The following LRP5 variants were observed in gnomAD, a reference collection of about 807,000 sequenced individuals.
The protein encoded by LRP5 is low-density lipoprotein receptor-related protein 5.
LRP5 carries 62 observed loss-of-function variants against 154.1 expected under a neutral mutation model. That is an observed-to-expected ratio of 0.40 (90% CI 0.33 to 0.50). LRP5 has a LOEUF of 0.50. LRP5 is among the 20% of genes least tolerant of loss of function. LRP5 has a pLI of 0.55. For missense variants in LRP5, 1,915 were observed against 2,336.7 expected (o/e 0.82, Z 3.72); for synonymous variants, 966 against 1,011.5 (o/e 0.96, Z 0.85).
In LRP5 at chr11:68,403,831, G is replaced by A. The variant is rs2098654055; in HGVS notation, c.1801+132G>A. 45 of 1,062,758 alleles carry A rather than the reference G, an allele frequency of 4.2e-5. No homozygotes were observed. In the South Asian group the frequency reaches 6.6e-4, roughly 16 times the overall value. 65.8% of individuals were successfully genotyped at this position (1,062,758 alleles called of 1,614,324 possible). ...TGGGGAAGGGCAGGACAGGAAAGGT[G>A]ACAGTATCTGGCCAAGGACAGATGG... On this transcript the variant is annotated intron_variant, in intron 8 of 22. Coordinates refer to ENST00000294304, the MANE Select transcript of LRP5 (RefSeq NM_002335.4).
chr11:68,321,052 G>T, intron 1 of LRP5, among the ~76,000 whole-genome samples: 1 of 136,276 alleles, frequency 7.3e-6, no homozygotes, highest in African/African-American at 2.8e-5. Context: ...ACATTATTCT[G>T]TCTGGGTTTT....
chr11:68,360,050 A>G (rs2098626455), intron 3 of LRP5, among the ~76,000 whole-genome samples: 1 of 151,866 alleles, frequency 6.6e-6, no homozygotes, highest in South Asian at 2.1e-4. Context: ...GAGCCTCTCA[A>G]AGTGCTGGGA....
At position 68,332,278 on chromosome 11, in the gene LRP5, T is replaced by C. The variant is rs548747466; in HGVS notation, c.92-15569T>C. On this transcript the variant is annotated intron_variant, in intron 1 of 22. Transcript: ENST00000294304. ...TGAAGCAAAATATGGTATTTATTCA[T>C]TATTGTCATGCAAATGTCAGCAGCT... Among the ~76,000 whole-genome samples the C allele has an allele frequency of 5.9e-5, 9 of 152,378 alleles. No individual in the cohort carries two copies. In the East Asian group the frequency reaches 1.7e-3, roughly 29 times the overall value.
intron 8 of LRP5, 142 bp downstream of exon 8, chr11:68,403,841 G>A (rs2098654068): frequency 1.0e-6 from 1 of 955,308 alleles, no homozygotes; most frequent in Non-Finnish European, 1.6e-6. Flanking sequence ...GACAGTATCT[G>A]GCCAAGGACA....
chr11:68,409,248 A>C (rs1359942682), intron 9 of LRP5, among the ~76,000 whole-genome samples: 1 of 141,172 alleles, frequency 7.1e-6, no homozygotes, highest in African/African-American at 2.6e-5. Flanking sequence ...ATTATATAAT[A>C]TATAATAAAA....
At chr11:68,419,662 C>A (rs111301654) in intron 13 of LRP5, among the ~76,000 whole-genome samples, 1 of 151,850 alleles carries the variant, frequency 6.6e-6, no homozygotes. Flanking sequence ...GCCTCAGCCT[C>A]CTCCCGAGTA....
rs892889194 is a variant in LRP5 at position 68,426,004 on chromosome 11, G to A, written c.3454G>A (p.Ala1152Thr). The A allele has an allele frequency of 2.5e-6, 4 of 1,612,454 alleles. No individual in the cohort carries two copies. Among genetic ancestry groups the A allele is most frequent in the African/African-American group, 2.7e-5 (2 of 74,950 alleles). Residue 1152 changes from alanine (A) to threonine (T), a missense_variant, in exon 16 of 23, where the codon GCC (alanine) becomes ACC (threonine). Ala to Thr is a moderately conservative substitution (Grantham distance 58). Around this residue, in one of 3 missense-constraint regions of LRP5, gnomAD observed 1,094 missense variants for 1,210.1 expected, o/e 0.90. Coordinates refer to ENST00000294304, the MANE Select transcript of LRP5 (RefSeq NM_002335.4). ...SGANRLTLED[A>T]NIVQPLGLTI... ...GGCCAACCGCCTGACCCTGGAGGAC[G>A]CCAACATCGTGCAGCCTCTGGGCCT...
chr11:68,377,919 G>A (rs1229525906), intron 5 of LRP5, among the ~76,000 whole-genome samples: 1 of 152,122 alleles, frequency 6.6e-6, no homozygotes, highest in Non-Finnish European at 1.5e-5. Flanking sequence ...AAAGAAGCCA[G>A]GAGAACACAG....
At chr11:68,397,297 C>T (rs1302291443) in intron 7 of LRP5, among the ~76,000 whole-genome samples, 2 of 152,158 alleles carry the variant, frequency 1.3e-5, no homozygotes, top group Non-Finnish European at 2.9e-5. Context: ...TCCTGTGCCA[C>T]AAGACATGGC....
intron 22 of LRP5, chr11:68,446,959 C>T (rs1387369936): frequency 3.8e-5 from 12 of 315,728 alleles, no homozygotes; most frequent in Admixed American, 3.3e-4. Context: ...TGCTGCAGCA[C>T]CCACCGTAGA....
At chr11:68,445,703 G>A (rs751881854) in intron 21 of LRP5, 54 of 1,304,618 alleles carry the variant, frequency 4.1e-5, no homozygotes, top group Non-Finnish European at 5.0e-5. Flanking sequence ...ACCTGTGTGG[G>A]TGTGTGGGCC....
In LRP5 at chr11:68,365,672, C is replaced by T; in HGVS notation, c.985C>T (p.Leu329=). 6.3e-7 allele frequency: 1 copy of T among 1,574,918 alleles called. No individual in the cohort carries two copies. The highest frequency in any genetic ancestry group is 8.6e-7 in the Non-Finnish European group (1 of 1,157,566). ...ATGCGCCTGCCCCACGGGTGTGCAG[C>T]TGCAGGACAACGGCAGGACGTGTAA... ...YTCACPTGVQ[L]QDNGRTCKAG... The change falls in exon 5 of 23, where the codon CTG becomes TTG. Residue 329 remains leucine (L), a synonymous_variant. Coordinates refer to ENST00000294304, the MANE Select transcript of LRP5 (RefSeq NM_002335.4).
chr11:68,402,438 C>T (rs987712603), intron 7 of LRP5, among the ~76,000 whole-genome samples: 7 of 152,216 alleles, frequency 4.6e-5, no homozygotes, highest in Admixed American at 4.6e-4. Context: ...GGGTGGAAAG[C>T]ATCTGAGACC....
At chr11:68,301,184 G>T in the LRP5 span, among the ~76,000 whole-genome samples, 1 of 149,264 alleles carries the variant, frequency 6.7e-6, no homozygotes, top group Non-Finnish European at 1.5e-5. Flanking sequence ...CGCCTACCTT[G>T]GCCTCCCAAA....
At chr11:68,325,807 A>G (rs1218193957) in intron 1 of LRP5, among the ~76,000 whole-genome samples, 1 of 152,146 alleles carries the variant, frequency 6.6e-6, no homozygotes, top group Non-Finnish European at 1.5e-5. Context: ...CAGTTTCCCC[A>G]TCCGTGATAG....
intron 1 of LRP5, among the ~76,000 whole-genome samples, chr11:68,346,369 T>A (rs1468984557): frequency 6.6e-6 from 1 of 152,228 alleles, no homozygotes; most frequent in Non-Finnish European, 1.5e-5. Context: ...CTCCTGGGAA[T>A]GGGAGGGGCC....
At chr11:68,312,121 G>A (rs1032514391), upstream of LRP5, among the ~76,000 whole-genome samples, 1 of 152,208 alleles carries the variant, frequency 6.6e-6, no homozygotes, top group African/African-American at 2.4e-5. Flanking sequence ...TTAGTTTACA[G>A]TAAAACCTCA....
At position 68,416,311 on chromosome 11, in the gene LRP5, GT is replaced by G; in HGVS notation, c.2828-16del. The stretch of plus-strand genomic sequence containing the variant: ...CTTACAGACACCCACCTGCAGCCCT[GT>G]CTTTGCCTCCTCTAGCGCCCACCAC... On this transcript the variant is annotated splice_polypyrimidine_tract_variant and intron_variant, in intron 12 of 22. Transcript: ENST00000294304. 1.2e-6 allele frequency: 2 copies of G among 1,613,048 alleles called. No individual in the cohort carries two copies. Among genetic ancestry groups the G allele is most frequent in the Non-Finnish European group, 1.7e-6 (2 of 1,179,404 alleles).
At chr11:68,425,373 G>A (rs1430472425) in intron 15 of LRP5, 81 bp downstream of exon 15, 4 of 1,427,936 alleles carry the variant, frequency 2.8e-6, no homozygotes, top group Admixed American at 2.0e-5. Flanking sequence ...CATTGTCCGA[G>A]ACCTGCCGTG....
Sources: gnomAD v4.1 joint callset for allele counts (sites outside exome capture counted in the v4.1 genomes callset) on GRCh38, gnomAD v4.1.1 for gene constraint, gnomAD v4.1.1 regional missense constraint, MANE v1.5 for transcripts, NCBI Gene and HGNC (gene_info 2026-07-23, HGNC 2026-07-21) for gene names.